The following ARHGAP18 variants were observed in gnomAD, a reference collection of about 807,000 sequenced individuals.
ARHGAP18 encodes the protein Rho GTPase activating protein 18.
In ARHGAP18, 67 loss-of-function variants were observed where a neutral mutation model predicts 86.2. The observed-to-expected ratio is 0.78, with a 90% CI of 0.64 to 0.95. ARHGAP18 has a LOEUF of 0.95. Ranked by LOEUF, ARHGAP18 falls within the 40% of genes least tolerant of loss-of-function variation. ARHGAP18 has a pLI of 0.00. For synonymous variants in ARHGAP18, 283 were observed against 280.4 expected (o/e 1.01, Z -0.09); for missense variants, 691 against 780.4 (o/e 0.89, Z 1.37).
intron 2 of ARHGAP18, among the ~76,000 whole-genome samples, chr6:129,639,766 C>T (rs527296181): frequency 4.5e-4 from 69 of 152,158 alleles, no homozygotes; most frequent in African/African-American, 1.6e-3. Flanking sequence ...TCAGCAAGGC[C>T]GGGCATGGTG....
chr6:129,580,092 C>T lies in ARHGAP18; in HGVS notation c.1878G>A (p.Leu626=). ...AQTLKKGEVF[L]YEIGGNIGER... is the part of the protein sequence containing the mutation. ...TACCAATATTTCCTCCAATTTCATA[C>T]AAAAAAACTTCTCCTTTCTTGAGAG... The change falls in exon 14 of 15, where the codon TTG becomes TTA. Residue 626 remains leucine, a synonymous_variant. Coordinates refer to ENST00000368149, the MANE Select transcript of ARHGAP18 (RefSeq NM_033515.3). The T allele has an allele frequency of 6.2e-7, 1 of 1,613,418 alleles. No individual in the cohort carries two copies. The highest frequency in any genetic ancestry group is 8.5e-7 in the Non-Finnish European group (1 of 1,179,614).
At chr6:129,579,969 T>C in intron 14 of ARHGAP18, 101 bp downstream of exon 14, 2 of 1,003,334 alleles carry the variant, frequency 2.0e-6, no homozygotes, top group Non-Finnish European at 3.0e-6. Context: ...GCATGGTATA[T>C]TTTACTTCTA....
chr6:129,709,116 T>C (rs964951840), intron 1 of ARHGAP18, among the ~76,000 whole-genome samples: 2 of 152,226 alleles, frequency 1.3e-5, no homozygotes, highest in Admixed American at 1.3e-4. Context: ...AAGAAGGTTT[T>C]ATTATCACAT....
chr6:129,681,506 C>A (rs1471008532), intron 1 of ARHGAP18, among the ~76,000 whole-genome samples: 1 of 152,224 alleles, frequency 6.6e-6, no homozygotes, highest in African/African-American at 2.4e-5. Flanking sequence ...ACTTTCTTCT[C>A]TCTCCAGATC....
chr6:129,603,239 C>T (rs2114451708), intron 10 of ARHGAP18, among the ~76,000 whole-genome samples: 1 of 152,136 alleles, frequency 6.6e-6, no homozygotes, highest in Non-Finnish European at 1.5e-5. Flanking sequence ...TGAGAACATG[C>T]AATATTTGGT....
chr6:129,661,981 C>T (rs1773963179), intron 1 of ARHGAP18: 1 of 928,362 alleles, frequency 1.1e-6, no homozygotes, highest in African/African-American at 1.8e-5. Flanking sequence ...GCCACACACA[C>T]ACACACACAC....
intron 1 of ARHGAP18, among the ~76,000 whole-genome samples, chr6:129,695,118 A>T (rs1157196676): frequency 6.6e-6 from 1 of 152,134 alleles, no homozygotes; most frequent in Non-Finnish European, 1.5e-5. Flanking sequence ...CAATGGTAAT[A>T]ACTATTCTGA....
chr6:129,699,303 A>C (rs1774673758), intron 1 of ARHGAP18, among the ~76,000 whole-genome samples: 1 of 152,236 alleles, frequency 6.6e-6, no homozygotes, highest in South Asian at 2.1e-4. Flanking sequence ...CATGTTTAGG[A>C]GACAAAGGCA....
chr6:129,673,291 A>AT (rs960474971), intron 1 of ARHGAP18, among the ~76,000 whole-genome samples: 10 of 143,150 alleles, frequency 7.0e-5, no homozygotes, highest in East Asian at 2.0e-4. Flanking sequence ...TTTCTTTCTC[A>AT]TTTTTTTTTC....
At chr6:129,621,814 C>T (rs2114474258) in intron 5 of ARHGAP18, among the ~76,000 whole-genome samples, 1 of 151,926 alleles carries the variant, frequency 6.6e-6, no homozygotes. Flanking sequence ...TTCAAAAGTC[C>T]TAATAAGAAT....
intron 1 of ARHGAP18, among the ~76,000 whole-genome samples, chr6:129,660,985 G>C (rs1773938119): frequency 7.0e-6 from 1 of 143,504 alleles, no homozygotes; most frequent in Non-Finnish European, 1.5e-5. Flanking sequence ...AGAAGAAAAG[G>C]AAGAGGAGGA....
chr6:129,694,702 T>G (rs1254480849), intron 1 of ARHGAP18, among the ~76,000 whole-genome samples: 1 of 152,260 alleles, frequency 6.6e-6, no homozygotes, highest in Non-Finnish European at 1.5e-5. Context: ...TCCTCTTAGC[T>G]GACACTGTGT....
At chr6:129,640,218 A>G (rs1260583817) in intron 2 of ARHGAP18, among the ~76,000 whole-genome samples, 5 of 152,196 alleles carry the variant, frequency 3.3e-5, no homozygotes, top group African/African-American at 1.2e-4. Flanking sequence ...ATTAAAAAGT[A>G]GAAGTAAAAC....
intron 5 of ARHGAP18, among the ~76,000 whole-genome samples, chr6:129,625,645 TA>T (rs1789411198): frequency 2.5e-5 from 2 of 80,520 alleles, no homozygotes; most frequent in South Asian, 7.6e-4. Flanking sequence ...TTATATTATA[TA>T]TTTATATATT....
intron 1 of ARHGAP18, among the ~76,000 whole-genome samples, chr6:129,690,499 T>C (rs910141271): frequency 6.6e-6 from 1 of 152,216 alleles, no homozygotes; most frequent in Non-Finnish European, 1.5e-5. Flanking sequence ...GAGAGTTGAT[T>C]GTCTACATTA....
intron 1 of ARHGAP18, among the ~76,000 whole-genome samples, chr6:129,650,793 T>C (rs1773694914): frequency 6.6e-6 from 1 of 152,194 alleles, no homozygotes; most frequent in Non-Finnish European, 1.5e-5. Flanking sequence ...ACCTGGAAAT[T>C]AAACACCAGT....
chr6:129,671,450 G>A (rs901385523), intron 1 of ARHGAP18, among the ~76,000 whole-genome samples: 1 of 152,194 alleles, frequency 6.6e-6, no homozygotes, highest in Non-Finnish European at 1.5e-5. Context: ...TATAACCTCA[G>A]TGCTTTGGGA....
At chr6:129,589,827 A>T (rs1213784739) in intron 12 of ARHGAP18, among the ~76,000 whole-genome samples, 1 of 152,182 alleles carries the variant, frequency 6.6e-6, no homozygotes, top group Non-Finnish European at 1.5e-5. Context: ...CAAGCTGAGG[A>T]GCAAGGAAGC....
chr6:129,665,526 G>A lies in ARHGAP18; in HGVS notation c.114-23508C>T, dbSNP rs554285934. Among the ~76,000 whole-genome samples, 3 of 152,112 alleles carry A rather than the reference G, an allele frequency of 2.0e-5. No homozygotes were observed. In the South Asian group the frequency reaches 6.2e-4, roughly 32 times the overall value. On this transcript the variant is annotated intron_variant, in intron 1 of 14. Coordinates refer to ENST00000368149, the MANE Select transcript of ARHGAP18 (RefSeq NM_033515.3). The stretch of plus-strand genomic sequence containing the variant: ...GATCGTGCCACTGCCCTCCAGCCTG[G>A]GCAATAGAGCCAGATCCTGTCTCCA...
Sources: allele counts gnomAD v4.1 joint callset (sites outside exome capture counted in the v4.1 genomes callset), GRCh38; gene constraint gnomAD v4.1.1; transcripts MANE v1.5; gene names NCBI Gene and HGNC (gene_info 2026-07-23, HGNC 2026-07-21).